The following CNGB3 variants were observed in gnomAD, a reference collection of about 807,000 sequenced individuals.
CNGB3 encodes cyclic nucleotide gated channel subunit beta 3, also known as cyclic nucleotide-gated channel beta-3.
A neutral mutation model predicts 92.8 loss-of-function variants in CNGB3; 86 were observed. The ratio of observed to expected loss-of-function variants is 0.93; its 90% CI spans 0.78 to 1.11. The LOEUF is 1.11. Ranked by LOEUF, CNGB3 falls within the 50% of genes least tolerant of loss-of-function variation. CNGB3 has a pLI of 0.00. For synonymous variants in CNGB3, 333 were observed against 332.7 expected, an observed-to-expected ratio of 1.00 and a Z score of -0.01; for missense variants, 1,026 against 956.8, an observed-to-expected ratio of 1.07 and a Z score of -0.95.
intron 3 of CNGB3, among the ~76,000 whole-genome samples, chr8:86,698,431 T>C (rs951876645): frequency 6.6e-6 from 1 of 152,224 alleles, no homozygotes; most frequent in African/African-American, 2.4e-5. Flanking sequence ...GAGGCTTTAA[T>C]TGGGGCAAGG....
In CNGB3 at chr8:86,735,042, G is replaced by GGTTTTTTTTTTTTTTT. The variant is rs1554618958; in HGVS notation, c.211+4612_211+4613insAAAAAAAAAAAAAAAC. ...CATGTCAAATTCTCAAATGCCGGTG[G>GGTTTTTTTTTTTTTTT]TTTTTTTTTTTTTTTTTTTTTTTTT... is the stretch of plus-strand genomic sequence containing the variant. On this transcript the variant is annotated intron_variant, in intron 2 of 17. Transcript: ENST00000320005. Among the ~76,000 whole-genome samples, 17 of 85,870 alleles carry GGTTTTTTTTTTTTTTT rather than the reference G, an allele frequency of 2.0e-4. 5 individuals carry two copies. Among genetic ancestry groups the GGTTTTTTTTTTTTTTT allele is most frequent in the Admixed American group, 4.6e-4 (3 of 6,458 alleles). 56.3% of individuals were successfully genotyped at this position (85,870 alleles called of 152,430 possible). A position where few individuals can be genotyped will look rare whatever the true frequency, so the allele number is the denominator to read the frequency against.
chr8:86,604,254 T>G (rs1271575231), intron 14 of CNGB3, 43 bp from the exon 15 acceptor site: 1 of 1,193,882 alleles, frequency 8.4e-7, no homozygotes, highest in African/African-American at 1.5e-5. Context: ...TACTTTATTC[T>G]TGATAATTAT....
intron 15 of CNGB3, among the ~76,000 whole-genome samples, chr8:86,592,095 C>T (rs987139104): frequency 2.0e-5 from 3 of 152,188 alleles, no homozygotes; most frequent in Admixed American, 6.5e-5. Context: ...TGGGAGTGAC[C>T]CGATTTTCCA....
At chr8:86,689,024 T>G (rs1458144757) in intron 3 of CNGB3, among the ~76,000 whole-genome samples, 1 of 150,026 alleles carries the variant, frequency 6.7e-6, no homozygotes, top group Non-Finnish European at 1.5e-5. Flanking sequence ...TTAAATTCTT[T>G]TTTTTTTTTA....
chr8:86,613,710 T>G (rs144812593), intron 13 of CNGB3, among the ~76,000 whole-genome samples: 296 of 151,908 alleles, frequency 1.9e-3, no homozygotes, highest in African/African-American at 6.8e-3. Context: ...TTTTTAAGGT[T>G]TTAATTATAA....
chr8:86,705,730 G>A (rs1824641183), intron 3 of CNGB3, among the ~76,000 whole-genome samples: 1 of 152,190 alleles, frequency 6.6e-6, no homozygotes, highest in Non-Finnish European at 1.5e-5. Flanking sequence ...TGGAGCTGCA[G>A]GTGGTTTACA....
At chr8:86,596,748 T>C (rs1822179387) in intron 15 of CNGB3, among the ~76,000 whole-genome samples, 1 of 152,106 alleles carries the variant, frequency 6.6e-6, no homozygotes, top group Non-Finnish European at 1.5e-5. Flanking sequence ...GCTGCTCTGT[T>C]CACAATAGCA....
chr8:86,658,187 G>T, intron 6 of CNGB3: 2 of 547,786 alleles, frequency 3.7e-6, no homozygotes, highest in South Asian at 3.4e-5. Context: ...GCCAGACACT[G>T]ACAGCCTGAC....
intron 3 of CNGB3, among the ~76,000 whole-genome samples, chr8:86,725,434 T>C (rs914905758): frequency 9.2e-5 from 14 of 152,212 alleles, no homozygotes; most frequent in Admixed American, 7.2e-4. Context: ...TAATTAGTTG[T>C]TCTCTTGTTA....
At chr8:86,729,778 C>T (rs984652327) in intron 2 of CNGB3, among the ~76,000 whole-genome samples, 1 of 152,190 alleles carries the variant, frequency 6.6e-6, no homozygotes, top group Admixed American at 6.5e-5. Context: ...AAAGAGAAAT[C>T]TAAAATACAA....
At chr8:86,581,446 C>A (rs1282683237) in intron 15 of CNGB3, among the ~76,000 whole-genome samples, 1 of 152,152 alleles carries the variant, frequency 6.6e-6, no homozygotes, top group Non-Finnish European at 1.5e-5. Context: ...CAAGGAAGAT[C>A]CCCTCTCGGC....
At chr8:86,633,964 T>C (rs1823013894) in intron 10 of CNGB3, among the ~76,000 whole-genome samples, 1 of 152,154 alleles carries the variant, frequency 6.6e-6, no homozygotes, top group Non-Finnish European at 1.5e-5. Flanking sequence ...ATCTAGAAAT[T>C]TGGTATTGAA....
At chr8:86,741,874 G>A (rs13257881) in intron 1 of CNGB3, among the ~76,000 whole-genome samples, 28,684 of 151,898 alleles carry the variant, frequency 0.19, 3,393 homozygotes, top group South Asian at 0.3. Flanking sequence ...TCTAATTTCC[G>A]TTTATCCTGC....
chr8:86,587,083 G>C (rs1331519624), intron 15 of CNGB3, among the ~76,000 whole-genome samples: 290 of 147,352 alleles, frequency 2.0e-3, no homozygotes, highest in African/African-American at 6.3e-3. Context: ...TTCTCTGATG[G>C]CCAGTGATGG....
intron 15 of CNGB3, among the ~76,000 whole-genome samples, chr8:86,598,706 C>G (rs1247740749): frequency 1.3e-5 from 2 of 152,200 alleles, no homozygotes; most frequent in African/African-American, 4.8e-5. Flanking sequence ...AGTTTCTACC[C>G]TCAGTCTTCA....
rs561309480 is a variant in CNGB3, at chr8:86,694,436, G to A, written c.339-23338C>T. ...CTCCCTCCCGGACGGGGTGGCTGCC[G>A]GGCGGAGACGCTCCTCACTTCCCAG... On this transcript the variant is annotated intron_variant, in intron 3 of 17. Coordinates refer to ENST00000320005, the MANE Select transcript of CNGB3 (RefSeq NM_019098.5). Among the ~76,000 whole-genome samples the A allele has an allele frequency of 4.6e-5, 7 of 151,128 alleles. No individual in the cohort carries two copies. In the South Asian group the frequency reaches 6.3e-4, roughly 14 times the overall value.
chr8:86,611,526 TTA>T (rs777894511), intron 14 of CNGB3, 60 bp downstream of exon 14: 35 of 1,345,490 alleles, frequency 2.6e-5, no homozygotes, highest in Non-Finnish European at 3.5e-5. Context: ...TGTTCTTGAC[TTA>T]TGTCCGAAAT....
At chr8:86,634,673 GAC>G (rs1823028296) in intron 10 of CNGB3, among the ~76,000 whole-genome samples, 1 of 151,600 alleles carries the variant, frequency 6.6e-6, no homozygotes, top group African/African-American at 2.4e-5. Context: ...ATCTTGTACA[GAC>G]ACAGAAAAGG....
intron 3 of CNGB3, among the ~76,000 whole-genome samples, chr8:86,690,981 G>A (rs892680540): frequency 3.3e-5 from 5 of 152,220 alleles, no homozygotes; most frequent in Non-Finnish European, 5.9e-5. Context: ...ATAGTTTGAA[G>A]TCAGGTAGTG....
Sources: gnomAD v4.1 joint callset for allele counts (sites outside exome capture counted in the v4.1 genomes callset) on GRCh38, gnomAD v4.1.1 for gene constraint, MANE v1.5 for transcripts, NCBI Gene and HGNC (gene_info 2026-07-23, HGNC 2026-07-21) for gene names.